ROBO2: variants seen among roughly 807,000 people sequenced by gnomAD.
ROBO2 encodes the protein roundabout guidance receptor 2, also known as roundabout homolog 2.
In ROBO2, 53 loss-of-function variants were observed where a neutral mutation model predicts 160.8. The observed-to-expected ratio is 0.33, with a 90% CI of 0.26 to 0.41. The LOEUF is 0.41. Ranked by LOEUF, ROBO2 falls within the 10% of genes least tolerant of loss-of-function variation. The pLI is 1.00. For missense variants in ROBO2, 1,577 were observed against 1,722.4 expected (o/e 0.92, Z 1.49); for synonymous variants, 664 against 611.7 (o/e 1.09, Z -1.26).
intron 2 of ROBO2, among the ~76,000 whole-genome samples, chr3:75,958,663 G>GTAGGT (rs992266287): frequency 1.6e-4 from 24 of 151,778 alleles, no homozygotes; most frequent in African/African-American, 5.8e-4. Flanking sequence ...GGAGGTAAAA[G>GTAGGT]TAGGTAGGAT....
At chr3:76,462,893 TG>T (rs1453369042) in intron 2 of ROBO2, among the ~76,000 whole-genome samples, 1 of 152,212 alleles carries the variant, frequency 6.6e-6, no homozygotes, top group Non-Finnish European at 1.5e-5. Context: ...TGCTACCCTT[TG>T]TCCCTCTTTG....
chr3:75,975,349 T>G (rs1218228948), intron 2 of ROBO2, among the ~76,000 whole-genome samples: 1 of 151,450 alleles, frequency 6.6e-6, no homozygotes, highest in East Asian at 1.9e-4. Context: ...GAATAATTTT[T>G]ATAAATGACT....
intron 2 of ROBO2, among the ~76,000 whole-genome samples, chr3:76,471,602 A>G (rs936540810): frequency 1.3e-5 from 2 of 152,196 alleles, no homozygotes; most frequent in African/African-American, 4.8e-5. Flanking sequence ...AAAAATTCTT[A>G]AAGGAAATCT....
chr3:77,355,924 C>CA (rs71935506), intron 2 of ROBO2, among the ~76,000 whole-genome samples: 48,855 of 137,346 alleles, frequency 0.36, 8,334 homozygotes, highest in Non-Finnish European at 0.4. Context: ...ACAGATAATC[C>CA]AAAAAAAAAA....
At chr3:77,257,117 A>G (rs960594835) in intron 2 of ROBO2, among the ~76,000 whole-genome samples, 1 of 152,192 alleles carries the variant, frequency 6.6e-6, no homozygotes, top group Non-Finnish European at 1.5e-5. Context: ...AAGAGCTATC[A>G]AAACACTTGG....
chr3:77,406,247 A>G (rs984333765), intron 2 of ROBO2, among the ~76,000 whole-genome samples: 13 of 152,098 alleles, frequency 8.5e-5, no homozygotes, highest in Admixed American at 5.2e-4. Flanking sequence ...CATGGGGGAA[A>G]CCACCCCCAT....
At chr3:77,291,796 G>T (rs1351519771) in intron 2 of ROBO2, among the ~76,000 whole-genome samples, 1 of 151,408 alleles carries the variant, frequency 6.6e-6, no homozygotes, top group African/African-American at 2.4e-5. Context: ...GGGAAGTTGA[G>T]GCTAGAACAG....
At chr3:77,178,811 T>C (rs1471415100) in intron 2 of ROBO2, among the ~76,000 whole-genome samples, 1 of 152,018 alleles carries the variant, frequency 6.6e-6, no homozygotes, top group Non-Finnish European at 1.5e-5. Flanking sequence ...ATTTTGAAAA[T>C]AGGAAGGCTA....
At chr3:76,953,988 C>T (rs577288298) in intron 2 of ROBO2, among the ~76,000 whole-genome samples, 1 of 152,202 alleles carries the variant, frequency 6.6e-6, no homozygotes. Flanking sequence ...GACTGTCTTT[C>T]ATTCTCAAAT....
At position 76,069,865 on chromosome 3, in the gene ROBO2, G is replaced by A. The variant is rs185248885; in HGVS notation, c.109+132263G>A. Among the ~76,000 whole-genome samples, 22 of 152,278 alleles carry A rather than the reference G, an allele frequency of 1.4e-4. No individual in the cohort carries two copies. In the East Asian group the frequency reaches 4.3e-3, roughly 29 times the overall value. ...GAACGTGGATTGTGAAGATTTTATG[G>A]ACATTTATTGGTTCCCCAAATTAAT... On this transcript the variant is annotated intron_variant, in intron 2 of 26. Transcript: ENST00000487694.
intron 2 of ROBO2, among the ~76,000 whole-genome samples, chr3:77,238,809 G>A (rs1409277613): frequency 1.3e-5 from 2 of 152,022 alleles, no homozygotes; most frequent in African/African-American, 4.8e-5. Flanking sequence ...TTCAGTATCC[G>A]CTATGTACAT....
rs545657830 is a variant in ROBO2, at chr3:77,083,847, TTGAGTTGATGAC to T, written c.62-14162_62-14151del. On this transcript the variant is annotated intron_variant, in intron 1 of 25. Transcript: ENST00000461745. Reference sequence around the variant, plus strand: ...GGTTTCATTCTTAGATAGATGAACCTTGAGTTGATGACTGAGCATTCAGGTGGTCACCCGAAC... The same window carrying T: ...GGTTTCATTCTTAGATAGATGAACCTTGAGCATTCAGGTGGTCACCCGAAC... Among the ~76,000 whole-genome samples, 391 of 152,174 alleles carry T rather than the reference TTGAGTTGATGAC, an allele frequency of 2.6e-3. 1 individual carries two copies. The highest frequency in any genetic ancestry group is 0.01 in the Middle Eastern group (3 of 294).
chr3:76,954,594 C>T (rs1422143034), intron 2 of ROBO2, among the ~76,000 whole-genome samples: 1 of 152,054 alleles, frequency 6.6e-6, no homozygotes, highest in Non-Finnish European at 1.5e-5. Flanking sequence ...AGCATAAAAG[C>T]ATGATGAAAA....
intron 2 of ROBO2, among the ~76,000 whole-genome samples, chr3:76,764,323 T>C (rs2061463662): frequency 6.6e-6 from 1 of 151,758 alleles, no homozygotes; most frequent in South Asian, 2.1e-4. Flanking sequence ...GCATCCATAG[T>C]TTGTTTAAAC....
intron 2 of ROBO2, among the ~76,000 whole-genome samples, chr3:76,850,229 TA>T (rs566005025): frequency 7.3e-5 from 11 of 149,926 alleles, no homozygotes; most frequent in African/African-American, 1.7e-4. Flanking sequence ...ATTTTATGAC[TA>T]AAAAAAAAAT....
chr3:77,636,754 T>C (rs79323403), intron 24 of ROBO2, among the ~76,000 whole-genome samples: 19,632 of 152,216 alleles, frequency 0.13, 1,354 homozygotes, highest in Admixed American at 0.17. Context: ...GCATCCAACA[T>C]TTGAATACTT....
At chr3:76,967,852 A>T (rs1577923364) in intron 2 of ROBO2, among the ~76,000 whole-genome samples, 2 of 152,136 alleles carry the variant, frequency 1.3e-5, no homozygotes, top group African/African-American at 4.8e-5. Context: ...TAAAATACAC[A>T]TTTTTTATGG....
intron 1 of ROBO2, among the ~76,000 whole-genome samples, chr3:77,094,242 C>T (rs1486981603): frequency 6.6e-6 from 1 of 152,080 alleles, no homozygotes; most frequent in African/African-American, 2.4e-5. Flanking sequence ...TAAATGGAAT[C>T]GTACAATATA....
At chr3:76,920,522 A>G (rs2076590787) in intron 2 of ROBO2, among the ~76,000 whole-genome samples, 1 of 152,210 alleles carries the variant, frequency 6.6e-6, no homozygotes, top group Non-Finnish European at 1.5e-5. Flanking sequence ...TGAAGCAGAA[A>G]ATCCTAAGTT....
Sources: gnomAD v4.1 joint callset for allele counts (sites outside exome capture counted in the v4.1 genomes callset) on GRCh38, gnomAD v4.1.1 for gene constraint, MANE v1.5 for transcripts, NCBI Gene and HGNC (gene_info 2026-07-23, HGNC 2026-07-21) for gene names.